The following PARD3B variants were observed in gnomAD, a reference collection of about 807,000 sequenced individuals.
The protein encoded by PARD3B is par-3 family cell polarity regulator beta.
A neutral mutation model predicts 130.2 loss-of-function variants in PARD3B; 103 were observed. The ratio of observed to expected loss-of-function variants is 0.79; its 90% CI spans 0.67 to 0.93. PARD3B has a LOEUF of 0.93. PARD3B is among the 40% of genes least tolerant of loss of function. The pLI is 0.00. For missense variants in PARD3B, 1,609 were observed against 1,499.2 expected (o/e 1.07, Z -1.21); for synonymous variants, 583 against 553.2 (o/e 1.05, Z -0.76).
intron 1 of PARD3B, among the ~76,000 whole-genome samples, chr2:204,571,328 A>T (rs1407084232): frequency 6.6e-6 from 1 of 152,232 alleles, no homozygotes; most frequent in African/African-American, 2.4e-5. Context: ...TCTAAAGCTC[A>T]TCCCCAGCCA....
chr2:205,483,444 A>G (rs886914830), intron 20 of PARD3B, among the ~76,000 whole-genome samples: 3 of 152,254 alleles, frequency 2.0e-5, no homozygotes, highest in Admixed American at 6.5e-5. Flanking sequence ...TGCAGCTGAC[A>G]GTTAAAAAGA....
intron 2 of PARD3B, among the ~76,000 whole-genome samples, chr2:204,711,563 T>G (rs945916334): frequency 6.6e-6 from 1 of 152,136 alleles, no homozygotes; most frequent in African/African-American, 2.4e-5. Flanking sequence ...TCTTTTTTTT[T>G]CAGACAGAGT....
intron 2 of PARD3B, among the ~76,000 whole-genome samples, chr2:204,833,521 C>T (rs2043909164): frequency 6.6e-6 from 1 of 152,030 alleles, no homozygotes; most frequent in Non-Finnish European, 1.5e-5. Flanking sequence ...TTGGAGCTCC[C>T]ACAATTCCCA....
chr2:205,224,015 G>T (rs2038382520), intron 15 of PARD3B, among the ~76,000 whole-genome samples: 1 of 149,864 alleles, frequency 6.7e-6, no homozygotes, highest in Non-Finnish European at 1.5e-5. Flanking sequence ...AGTGAGCCAA[G>T]ATCACACCAC....
Position 205,618,347 on chromosome 2 carries a change from C to T in PARD3B, c.*2534C>T, listed in dbSNP as rs2055498436. On this transcript the variant is annotated 3_prime_UTR_variant, in exon 23 of 23. Transcript: ENST00000406610. ...TGTAAGATTTATAAATGCCCGTGTA[C>T]TCACCCTTCAATTGTTACCACCCAG... 1 of 152,186 alleles carries T rather than the reference C, an allele frequency of 6.6e-6. No homozygotes were observed. The highest frequency in any genetic ancestry group is 2.4e-5 in the African/African-American group (1 of 41,434). 9.4% of individuals were successfully genotyped at this position (152,186 alleles called of 1,614,324 possible). A position where few individuals can be genotyped will look rare whatever the true frequency, so the allele number is the denominator to read the frequency against.
At chr2:205,092,185 T>G (rs1702150688) in intron 4 of PARD3B, among the ~76,000 whole-genome samples, 1 of 151,964 alleles carries the variant, frequency 6.6e-6, no homozygotes, top group Non-Finnish European at 1.5e-5. Context: ...AAATATTAAT[T>G]AAAATGATGG....
intron 1 of PARD3B, among the ~76,000 whole-genome samples, chr2:204,592,808 C>A (rs994879025): frequency 6.6e-6 from 1 of 152,174 alleles, no homozygotes; most frequent in Non-Finnish European, 1.5e-5. Context: ...AATTACTAGT[C>A]TACTTTTGGT....
At position 204,907,874 on chromosome 2, in the gene PARD3B, G is replaced by C. The variant is rs770658956; in HGVS notation, c.223-57278G>C. 1.3e-5 allele frequency among the ~76,000 whole-genome samples: 2 copies of C among 151,934 alleles called. No individual in the cohort carries two copies. The highest frequency in any genetic ancestry group is 2.9e-5 in the Non-Finnish European group (2 of 67,980). ...GTGGTAGCACGCCCAGCTGATTTTT[G>C]TATTTTTTGTAGAGATAAGCTTTCA... On this transcript the variant is annotated intron_variant, in intron 2 of 22. Transcript: ENST00000406610. This position sits in a 1 kb window ranked among gnomAD's most constrained non-coding sequence, Gnocchi z 5.7.
intron 10 of PARD3B, among the ~76,000 whole-genome samples, chr2:205,127,098 G>A (rs977020633): frequency 6.6e-6 from 1 of 151,690 alleles, no homozygotes; most frequent in African/African-American, 2.4e-5. Flanking sequence ...TCAGGAGTTC[G>A]AAACCTGACC....
At chr2:204,849,194 C>G (rs942071979) in intron 2 of PARD3B, among the ~76,000 whole-genome samples, 1 of 151,964 alleles carries the variant, frequency 6.6e-6, no homozygotes, top group Non-Finnish European at 1.5e-5. Context: ...TTAATCTTGA[C>G]AGAATAATTA....
At position 205,301,683 on chromosome 2, in the gene PARD3B, G is replaced by A; in HGVS notation, c.2612G>A (p.Gly871Asp). The A allele has an allele frequency of 1.2e-6, 2 of 1,613,974 alleles. No individual in the cohort carries two copies. Among genetic ancestry groups the A allele is most frequent in the Non-Finnish European group, 1.7e-6 (2 of 1,180,002 alleles). The part of the protein sequence containing the change: ...EDPERKIKKK[G>D]FGAMLRFGKK... ...CCAGAAAGGAAAATAAAGAAGAAGG[G>A]CTTCGGCGCCATGCTGAGGTATGGG... Residue 871 changes from glycine (G) to aspartate (D), a missense_variant, in exon 18 of 23, where the codon GGC becomes GAC. Gly to Asp is a moderately conservative substitution (Grantham distance 94). Transcript: ENST00000406610. This position sits in a 1 kb window ranked among gnomAD's most constrained non-coding sequence, Gnocchi z 5.2.
chr2:204,917,579 G>A (rs567758142), intron 2 of PARD3B, among the ~76,000 whole-genome samples: 1 of 152,180 alleles, frequency 6.6e-6, no homozygotes, highest in African/African-American at 2.4e-5. Flanking sequence ...TTGAGAATGA[G>A]TCTAAAATTT....
At chr2:205,004,727 A>G (rs1427089189) in intron 3 of PARD3B, among the ~76,000 whole-genome samples, 1 of 152,242 alleles carries the variant, frequency 6.6e-6, no homozygotes, top group Non-Finnish European at 1.5e-5. Flanking sequence ...CTTTATTATC[A>G]CTTCAAATAT....
Position 205,128,747 on chromosome 2 carries a change from G to T in PARD3B, c.1434+3010G>T, listed in dbSNP as rs924552224. Among the ~76,000 whole-genome samples the T allele has an allele frequency of 2.6e-5, 4 of 152,012 alleles. No individual in the cohort carries two copies. The highest frequency in any genetic ancestry group is 9.7e-5 in the African/African-American group (4 of 41,382). On this transcript the variant is annotated intron_variant, in intron 10 of 22. Coordinates refer to ENST00000406610, the MANE Select transcript of PARD3B (RefSeq NM_001302769.2). The surrounding 1 kb of genome is among the most constrained non-coding windows in gnomAD (Gnocchi z 4.5). ...ATTCTATACTCTAGATATATTATGG[G>T]GTAGATAGATTTATGCAGCCTTGCC... is the stretch of plus-strand genomic sequence containing the variant.
rs369558203 is a variant in PARD3B, at chr2:204,958,959, T to C, written c.223-6193T>C. ...TGTTGTAAATTATCCAAAGTTCTTT[T>C]TTATTGTTTTTAAATTTTGCTTTAA... is the stretch of plus-strand genomic sequence containing the variant. On this transcript the variant is annotated intron_variant, in intron 2 of 22. Coordinates refer to ENST00000406610, the MANE Select transcript of PARD3B (RefSeq NM_001302769.2). Among the ~76,000 whole-genome samples, 20 of 152,178 alleles carry C rather than the reference T, an allele frequency of 1.3e-4. 3 individuals are homozygous for C. Among genetic ancestry groups the C allele is most frequent in the Admixed American group, 1.0e-3 (16 of 15,272 alleles).
intron 20 of PARD3B, among the ~76,000 whole-genome samples, chr2:205,494,282 T>C (rs1324078809): frequency 6.6e-6 from 1 of 152,198 alleles, no homozygotes; most frequent in Non-Finnish European, 1.5e-5. Flanking sequence ...TGCCCACTTA[T>C]ACATATGTAA....
At chr2:205,497,343 G>A (rs1251767032) in intron 20 of PARD3B, among the ~76,000 whole-genome samples, 5 of 151,242 alleles carry the variant, frequency 3.3e-5, no homozygotes, top group Admixed American at 6.6e-5. Flanking sequence ...GCAGCCACAA[G>A]ACAGAGGTAC....
chr2:204,744,430 CTT>C (rs2040135512), intron 2 of PARD3B, among the ~76,000 whole-genome samples: 1 of 152,072 alleles, frequency 6.6e-6, no homozygotes, highest in African/African-American at 2.4e-5. Flanking sequence ...TTTTCTAATT[CTT>C]AGGTGCCAAT....
chr2:205,410,596 A>T (rs1277856085), intron 19 of PARD3B, among the ~76,000 whole-genome samples: 1 of 152,206 alleles, frequency 6.6e-6, no homozygotes, highest in Non-Finnish European at 1.5e-5. Flanking sequence ...CGTAAATAAA[A>T]GTTTAGTGAA....
Sources: gnomAD v4.1 joint callset for allele counts (sites outside exome capture counted in the v4.1 genomes callset) on GRCh38, gnomAD v4.1.1 for gene constraint, Gnocchi (gnomAD v3.1) non-coding constraint, MANE v1.5 for transcripts, NCBI Gene and HGNC (gene_info 2026-07-23, HGNC 2026-07-21) for gene names.